CDH12: variants seen among roughly 807,000 people sequenced by gnomAD.
CDH12 encodes the protein cadherin 12.
In CDH12, 41 loss-of-function variants were observed where a neutral mutation model predicts 74.1. That is an observed-to-expected ratio of 0.55 (90% CI 0.43 to 0.72). The LOEUF (loss-of-function observed/expected upper bound fraction) is 0.72. Ranked by LOEUF, CDH12 falls within the 30% of genes least tolerant of loss-of-function variation. The pLI is 0.00. For synonymous variants in CDH12, 399 were observed against 355.0 expected, an observed-to-expected ratio of 1.12 and a Z score of -1.39; for missense variants, 945 against 977.2, an observed-to-expected ratio of 0.97 and a Z score of 0.44.
At chr5:21,776,492 A>C (rs190215409) in intron 11 of CDH12, among the ~76,000 whole-genome samples, 325 of 152,338 alleles carry the variant, frequency 2.1e-3, no homozygotes, top group African/African-American at 7.5e-3. Flanking sequence ...ATAGCAGTGT[A>C]GTACCTGAGA....
At chr5:22,050,651 A>G (rs1391669040) in intron 5 of CDH12, among the ~76,000 whole-genome samples, 1 of 152,102 alleles carries the variant, frequency 6.6e-6, no homozygotes, top group Non-Finnish European at 1.5e-5. Context: ...AGCTGCACAC[A>G]CCTGGAGTTA....
chr5:22,090,833 G>A (rs1177890564), intron 4 of CDH12, among the ~76,000 whole-genome samples: 1 of 151,930 alleles, frequency 6.6e-6, no homozygotes, highest in African/African-American at 2.4e-5. Context: ...AAAACAAACA[G>A]AGGATCATGT....
chr5:22,480,512 G>T (rs1170393531), intron 2 of CDH12, among the ~76,000 whole-genome samples: 2 of 151,246 alleles, frequency 1.3e-5, no homozygotes, highest in East Asian at 3.9e-4. Context: ...CTGAGCCCAG[G>T]AATTTGAGGC....
chr5:22,036,467 A>AT (rs1208116277), intron 5 of CDH12, among the ~76,000 whole-genome samples: 4 of 152,060 alleles, frequency 2.6e-5, no homozygotes, highest in Non-Finnish European at 2.9e-5. Context: ...GTTTGAGAAC[A>AT]TTTTTTTCTT....
intron 1 of CDH12, among the ~76,000 whole-genome samples, chr5:22,529,103 T>C (rs564705184): frequency 2.8e-5 from 3 of 108,082 alleles, no homozygotes; most frequent in Non-Finnish European, 5.9e-5. Context: ...CATGAATATA[T>C]GCATATATAT....
intron 10 of CDH12, 80 bp downstream of exon 10, chr5:21,802,087 A>G: frequency 1.6e-6 from 2 of 1,259,710 alleles, no homozygotes; most frequent in Non-Finnish European, 2.2e-6. Context: ...AGTTTTGGAC[A>G]GAGAATTGGT....
At chr5:22,493,360 G>A (rs1312255360) in intron 2 of CDH12, among the ~76,000 whole-genome samples, 3 of 152,122 alleles carry the variant, frequency 2.0e-5, no homozygotes, top group Non-Finnish European at 4.4e-5. Flanking sequence ...GAAACATACT[G>A]GGTTTGTTGA....
chr5:21,878,537 A>T, intron 6 of CDH12, among the ~76,000 whole-genome samples: 1 of 144,228 alleles, frequency 6.9e-6, no homozygotes, highest in Non-Finnish European at 1.5e-5. Flanking sequence ...CAGACCAGCC[A>T]GGGCAACATG....
chr5:21,750,749 T>C lies in CDH12; in HGVS notation c.*988A>G, dbSNP rs1347190059. On this transcript the variant is annotated 3_prime_UTR_variant, in exon 15 of 15. Transcript: ENST00000382254. ...GTATAATGAATTTCTCTTTCCATGC[T>C]TAAATGAATGGCACTTTTTTCTTCT... The C allele has an allele frequency of 2.0e-5, 3 of 152,164 alleles. No individual in the cohort carries two copies. 9.4% of individuals were successfully genotyped at this position (152,164 alleles called of 1,614,324 possible).
chr5:22,321,566 G>A (rs2150437457), intron 3 of CDH12, among the ~76,000 whole-genome samples: 1 of 147,588 alleles, frequency 6.8e-6, no homozygotes, highest in African/African-American at 2.5e-5. Flanking sequence ...AGTGGGTGCA[G>A]CGCACCAGCA....
intron 6 of CDH12, among the ~76,000 whole-genome samples, chr5:21,959,724 A>G (rs1352977744): frequency 6.8e-6 from 1 of 146,274 alleles, no homozygotes; most frequent in Non-Finnish European, 1.5e-5. Flanking sequence ...CCTGGCCAAC[A>G]TTGTGAAACC....
At chr5:22,160,549 C>T (rs948825178) in intron 4 of CDH12, among the ~76,000 whole-genome samples, 2 of 152,112 alleles carry the variant, frequency 1.3e-5, no homozygotes, top group African/African-American at 4.8e-5. Flanking sequence ...TTAGTGCATT[C>T]AGGCTGCTAT....
chr5:22,699,229 T>C (rs929995609), intron 1 of CDH12, among the ~76,000 whole-genome samples: 1 of 152,202 alleles, frequency 6.6e-6, no homozygotes, highest in African/African-American at 2.4e-5. Context: ...TAGAACTTAT[T>C]TCTTATTAGT....
chr5:21,823,341 G>C (rs1324910142), intron 8 of CDH12, among the ~76,000 whole-genome samples: 1 of 152,048 alleles, frequency 6.6e-6, no homozygotes, highest in African/African-American at 2.4e-5. Context: ...TATGATCATA[G>C]TTTCCTGTCT....
At chr5:22,516,425 G>C (rs1175839356) in intron 1 of CDH12, among the ~76,000 whole-genome samples, 1 of 152,032 alleles carries the variant, frequency 6.6e-6, no homozygotes, top group Non-Finnish European at 1.5e-5. Flanking sequence ...TTTTTATTAA[G>C]AAGCTAATTG....
At chr5:22,393,208 A>G (rs1742319512) in intron 3 of CDH12, among the ~76,000 whole-genome samples, 1 of 152,182 alleles carries the variant, frequency 6.6e-6, no homozygotes, top group South Asian at 2.1e-4. Flanking sequence ...TTTGAGACAG[A>G]CAGAATAAGA....
At position 22,225,668 on chromosome 5, in the gene CDH12, T is replaced by C. The variant is rs144049167; in HGVS notation, c.-332-13025A>G. 4.7e-3 allele frequency among the ~76,000 whole-genome samples: 708 copies of C among 152,210 alleles called. 7 individuals are homozygous for C. Among genetic ancestry groups the C allele is most frequent in the African/African-American group, 0.013 (522 of 41,556 alleles). The stretch of plus-strand genomic sequence containing the variant: ...TCTATTTGGCATGCTTTGGTTATGA[T>C]ATGTGAATTGCAGTGATCTTGGGAA... On this transcript the variant is annotated intron_variant, in intron 3 of 14. Transcript: ENST00000382254.
intron 5 of CDH12, among the ~76,000 whole-genome samples, chr5:22,020,029 T>C (rs1047850918): frequency 2.0e-5 from 3 of 152,042 alleles, no homozygotes; most frequent in Non-Finnish European, 4.4e-5. Flanking sequence ...TAAAAAAGCA[T>C]AGGAGGCTAG....
At chr5:22,070,313 A>G (rs567352917) in intron 5 of CDH12, among the ~76,000 whole-genome samples, 1 of 152,242 alleles carries the variant, frequency 6.6e-6, no homozygotes, top group Non-Finnish European at 1.5e-5. Flanking sequence ...CCTTGTTATT[A>G]TCTCTATTTG....
Sources: gnomAD v4.1 joint callset for allele counts (sites outside exome capture counted in the v4.1 genomes callset) on GRCh38, gnomAD v4.1.1 for gene constraint, MANE v1.5 for transcripts, NCBI Gene and HGNC (gene_info 2026-07-23, HGNC 2026-07-21) for gene names.